PPP2R5A: variants seen among roughly 807,000 people sequenced by gnomAD.
The protein encoded by PPP2R5A is protein phosphatase 2 regulatory subunit B'alpha.
PPP2R5A carries 25 observed loss-of-function variants against 64.2 expected under a neutral mutation model. The observed-to-expected ratio is 0.39, with a 90% CI of 0.28 to 0.54. The LOEUF is 0.54. Among genes scored for constraint, PPP2R5A ranks in the 20% least tolerant of loss-of-function variants. The probability of loss-of-function intolerance (pLI) is 0.67; values close to 1 mark genes in which losing one functional copy is unlikely to be tolerated. For missense variants in PPP2R5A, 425 were observed against 576.3 expected, an observed-to-expected ratio of 0.74 and a Z score of 2.69; for synonymous variants, 198 against 201.2, an observed-to-expected ratio of 0.98 and a Z score of 0.13.
chr1:212,337,792 C>G (rs1328525975), intron 3 of PPP2R5A, among the ~76,000 whole-genome samples: 1 of 152,114 alleles, frequency 6.6e-6, no homozygotes, highest in Admixed American at 6.5e-5. Context: ...TGTGTTTTCA[C>G]AAGGATTACA....
Position 212,286,064 on chromosome 1 carries a change from T to C in PPP2R5A, c.-47T>C, listed in dbSNP as rs745723620. ...CTCCTGCCGTCTCCGCCGCTGCCCG[T>C]GCCTTGCAAGCAGCAGCCGGAGCTG... On this transcript the variant is annotated 5_prime_UTR_variant, in exon 1 of 13. Coordinates refer to ENST00000261461, the MANE Select transcript of PPP2R5A (RefSeq NM_006243.4). The C allele has an allele frequency of 3.5e-5, 52 of 1,484,074 alleles. No individual in the cohort carries two copies. The Middle Eastern group carries it at 1.4e-3, about 39-fold the overall frequency. The allele number at this position is 1,484,074 out of a possible 1,614,324, so 91.9% of individuals were successfully genotyped here. A position where few individuals can be genotyped will look rare whatever the true frequency, so the allele number is the denominator to read the frequency against.
chr1:212,336,245 A>T (rs911316812), intron 3 of PPP2R5A, among the ~76,000 whole-genome samples: 1 of 152,052 alleles, frequency 6.6e-6, no homozygotes, highest in Non-Finnish European at 1.5e-5. Context: ...TCTCTTGAGT[A>T]TCTGGGACTG....
In PPP2R5A at chr1:212,361,515, C is replaced by T. The variant is rs969538651; in HGVS notation, c.*745C>T. 6.5e-6 allele frequency: 1 copy of T among 152,708 alleles called. No homozygotes were observed. Among genetic ancestry groups the T allele is most frequent in the Non-Finnish European group, 1.5e-5 (1 of 68,084 alleles). The allele number at this position is 152,708 out of a possible 1,614,324, so 9.5% of individuals were successfully genotyped here. ...TCATTCCTCCTCTTCCTCTCAAAGG[C>T]TGAAGGCAGGGCCTTTCCAGTCCTC... On this transcript the variant is annotated 3_prime_UTR_variant, in exon 13 of 13. Transcript: ENST00000261461.
intron 2 of PPP2R5A, chr1:212,331,566 C>T (rs968888247): frequency 3.9e-5 from 6 of 152,098 alleles, no homozygotes; most frequent in Non-Finnish European, 8.8e-5. Flanking sequence ...AGTTTGAGAA[C>T]ATAAATACTA....
At position 212,285,885 on chromosome 1, in the gene PPP2R5A, C is replaced by T. The variant is rs1308075574; in HGVS notation, c.-226C>T. ...CCCTTCCCTCCGTCAGCCCCGGGAGCTCGCCGCGCGCCGGGGACCAGGAAC... is the reference window on the plus strand; with the variant it reads ...CCCTTCCCTCCGTCAGCCCCGGGAGTTCGCCGCGCGCCGGGGACCAGGAAC... On this transcript the variant is annotated 5_prime_UTR_variant, in exon 1 of 13. Transcript: ENST00000261461. The T allele has an allele frequency of 9.8e-6, 4 of 408,542 alleles. No homozygotes were observed. Among genetic ancestry groups the T allele is most frequent in the Non-Finnish European group, 8.5e-6 (2 of 236,094 alleles). The allele number at this position is 408,542 out of a possible 1,614,324, so 25.3% of individuals were successfully genotyped here.
chr1:212,309,125 C>A, intron 1 of PPP2R5A: 1 of 1,025,900 alleles, frequency 9.7e-7, no homozygotes. Flanking sequence ...TTCTTCTCTC[C>A]ATCAGGCCGA....
At chr1:212,300,946 G>A (rs351392) in intron 1 of PPP2R5A, among the ~76,000 whole-genome samples, 103,046 of 151,988 alleles carry the variant, frequency 0.68, 36,738 homozygotes, top group African/African-American at 0.91. Context: ...CCCAAAGCCC[G>A]TTTATGCTGA....
At chr1:212,323,235 C>T (rs1488710925) in intron 1 of PPP2R5A, among the ~76,000 whole-genome samples, 1 of 152,166 alleles carries the variant, frequency 6.6e-6, no homozygotes, top group Non-Finnish European at 1.5e-5. Context: ...GATAGCATTA[C>T]TTTCTGTGTT....
intron 4 of PPP2R5A, among the ~76,000 whole-genome samples, chr1:212,342,693 G>T (rs965073331): frequency 3.3e-5 from 5 of 152,158 alleles, no homozygotes; most frequent in Non-Finnish European, 7.4e-5. Flanking sequence ...TAGAATCATT[G>T]TGAGGAATTT....
intron 1 of PPP2R5A, among the ~76,000 whole-genome samples, chr1:212,300,455 T>A (rs889478867): frequency 1.4e-4 from 15 of 106,606 alleles, no homozygotes; most frequent in African/African-American, 4.4e-4. Flanking sequence ...ATTATTTATT[T>A]ATTATTTTTG....
rs530678976 is a variant in PPP2R5A, at chr1:212,299,605, T to C, written c.181+13314T>C. On this transcript the variant is annotated intron_variant, in intron 1 of 12. Coordinates refer to ENST00000261461, the MANE Select transcript of PPP2R5A (RefSeq NM_006243.4). ...AAAGTCAATTGGGCTAATCTACCAC[T>C]TGACTGATTTTATTCTTCCACTAAA... The C allele has an allele frequency of 6.4e-4, 98 of 152,340 alleles. 1 individual carries two copies. Among genetic ancestry groups the C allele is most frequent in the African/African-American group, 2.2e-3 (90 of 41,576 alleles). 9.4% of individuals were successfully genotyped at this position (152,340 alleles called of 1,614,324 possible).
chr1:212,319,723 C>T (rs575604547), intron 1 of PPP2R5A, among the ~76,000 whole-genome samples: 5 of 147,736 alleles, frequency 3.4e-5, no homozygotes, highest in South Asian at 4.2e-4. Context: ...CGGGTTCAAG[C>T]GATTCTCCTG....
At position 212,357,083 on chromosome 1, in the gene PPP2R5A, A is replaced by G. The variant is rs773331660; in HGVS notation, c.1098+14A>G. ...TCTCATTTTCAGGTATGATGTTTTC[A>G]GTGAAGCCTTTACTTTACACTAGTA... On this transcript the variant is annotated intron_variant, in intron 10 of 12. Transcript: ENST00000261461. The G allele has an allele frequency of 2.5e-6, 4 of 1,597,136 alleles. No individual in the cohort carries two copies. The East Asian group carries it at 9.0e-5, about 36-fold the overall frequency.
chr1:212,322,258 AG>A lies in PPP2R5A; in HGVS notation c.182-6874del, dbSNP rs1161869423. Among the ~76,000 whole-genome samples, 17 of 104,952 alleles carry A rather than the reference AG, an allele frequency of 1.6e-4. 1 individual carries two copies. Among genetic ancestry groups the A allele is most frequent in the Admixed American group, 6.4e-4 (7 of 10,978 alleles). The allele number at this position is 104,952 out of a possible 152,430, so 68.9% of individuals were successfully genotyped here. A position where few individuals can be genotyped will look rare whatever the true frequency, so the allele number is the denominator to read the frequency against. On this transcript the variant is annotated intron_variant, in intron 1 of 12. Coordinates refer to ENST00000261461, the MANE Select transcript of PPP2R5A (RefSeq NM_006243.4). The stretch of plus-strand genomic sequence containing the variant: ...GGAGAGGGAGAGGAGGGAGAGGGAG[AG>A]GGAGAGGAGGGAGAGGGAGAGGAGG...
At chr1:212,349,718 T>C (rs1659843787) in intron 8 of PPP2R5A, among the ~76,000 whole-genome samples, 1 of 152,192 alleles carries the variant, frequency 6.6e-6, no homozygotes, top group African/African-American at 2.4e-5. Flanking sequence ...AGATATAAGA[T>C]GTAATCTTGG....
intron 1 of PPP2R5A, among the ~76,000 whole-genome samples, chr1:212,324,769 T>G (rs1218093623): frequency 6.6e-6 from 1 of 152,110 alleles, no homozygotes; most frequent in African/African-American, 2.4e-5. Flanking sequence ...CATGCCCGGC[T>G]AATTTTTTGT....
At chr1:212,290,586 C>T (rs1658582157) in intron 1 of PPP2R5A, among the ~76,000 whole-genome samples, 1 of 152,100 alleles carries the variant, frequency 6.6e-6, no homozygotes, top group Non-Finnish European at 1.5e-5. Flanking sequence ...ACTGCTAGTC[C>T]TCACATAAAG....
intron 1 of PPP2R5A, among the ~76,000 whole-genome samples, chr1:212,319,041 C>T (rs1659210811): frequency 6.6e-6 from 1 of 152,212 alleles, no homozygotes; most frequent in Admixed American, 6.5e-5. Context: ...AAATACTCAT[C>T]TCTTATTTAC....
At chr1:212,299,456 C>T (rs559058302) in intron 1 of PPP2R5A, 1 of 152,294 alleles carries the variant, frequency 6.6e-6, no homozygotes, top group African/African-American at 2.4e-5. Flanking sequence ...TCCCCTTTTA[C>T]ACAAAGTTTT....
Sources: gnomAD v4.1 joint callset for allele counts (sites outside exome capture counted in the v4.1 genomes callset) on GRCh38, gnomAD v4.1.1 for gene constraint, MANE v1.5 for transcripts, NCBI Gene and HGNC (gene_info 2026-07-23, HGNC 2026-07-21) for gene names.